LGSN: variants seen among roughly 807,000 people sequenced by gnomAD.
LGSN encodes the protein lengsin, lens protein with glutamine synthetase domain.
Under a neutral mutation model 19.5 loss-of-function variants are expected in LGSN, and 21 were observed. The ratio of observed to expected loss-of-function variants is 1.07; its 90% confidence interval spans 0.76 to 1.55. The LOEUF (loss-of-function observed/expected upper bound fraction) is 1.55. Ranked by LOEUF, LGSN falls within the 40% of genes most tolerant of loss-of-function variation. LGSN has a pLI of 0.00. For missense variants in LGSN, 673 were observed against 608.5 expected (o/e 1.11, Z -1.12); for synonymous variants, 257 against 215.6 (o/e 1.19, Z -1.68).
At chr6:63,536,717 A>C in the LGSN span, among the ~76,000 whole-genome samples, 2 of 152,242 alleles carry the variant, frequency 1.3e-5, no homozygotes, top group Admixed American at 1.3e-4. Flanking sequence ...CCTACTTAAT[A>C]GAAAATAAGT....
the LGSN span, among the ~76,000 whole-genome samples, chr6:63,465,026 C>CAAAA: frequency 2.4e-5 from 3 of 123,718 alleles, no homozygotes; most frequent in Non-Finnish European, 1.7e-5. Context: ...GATTCTGTCT[C>CAAAA]AAAAAAAAAA....
the LGSN span, among the ~76,000 whole-genome samples, chr6:63,565,639 A>T: frequency 2.0e-5 from 3 of 152,336 alleles, no homozygotes; most frequent in South Asian, 6.2e-4. Context: ...AACAAAACAC[A>T]GTAGCCCACA....
the LGSN span, among the ~76,000 whole-genome samples, chr6:63,336,561 G>GTGTATATA: frequency 1.4e-4 from 18 of 127,576 alleles, no homozygotes; most frequent in South Asian, 1.1e-3. Flanking sequence ...GTGTGTGTGT[G>GTGTATATA]TATATATATA....
the LGSN span, among the ~76,000 whole-genome samples, chr6:63,361,573 G>A: frequency 1.3e-5 from 2 of 152,146 alleles, no homozygotes; most frequent in Non-Finnish European, 2.9e-5. Context: ...CCTTGGCTAG[G>A]AAAGGGAATT....
the LGSN span, among the ~76,000 whole-genome samples, chr6:63,501,945 A>G: frequency 1.3e-5 from 2 of 152,272 alleles, no homozygotes; most frequent in Admixed American, 1.3e-4. Flanking sequence ...ATAGGCACAC[A>G]CCACCACATC....
chr6:63,352,401 C>T, the LGSN span, among the ~76,000 whole-genome samples: 13 of 152,008 alleles, frequency 8.6e-5, no homozygotes, highest in African/African-American at 2.2e-4. Context: ...TAGTGACTAA[C>T]GCCTAGAATC....
the LGSN span, among the ~76,000 whole-genome samples, chr6:63,559,612 G>C: frequency 9.2e-5 from 14 of 152,102 alleles, no homozygotes; most frequent in African/African-American, 3.4e-4. Context: ...AGGCATGGTG[G>C]TGTATGCCTG....
the LGSN span, among the ~76,000 whole-genome samples, chr6:63,405,065 T>C: frequency 6.6e-6 from 1 of 150,946 alleles, no homozygotes. Context: ...GTTTGGTTTT[T>C]TGTTCTTGCG....
the LGSN span, chr6:63,572,844 G>T: frequency 2.5e-6 from 1 of 394,696 alleles, no homozygotes; most frequent in Non-Finnish European, 4.5e-6. Flanking sequence ...GTTCCGGTGG[G>T]TCCCGGGTGG....
chr6:63,572,960 C>G, the LGSN span, among the ~76,000 whole-genome samples: 1 of 152,086 alleles, frequency 6.6e-6, no homozygotes, highest in African/African-American at 2.4e-5. Flanking sequence ...GCCGGAGGCA[C>G]CGGCTTTTGA....
chr6:63,523,846 T>C, the LGSN span, among the ~76,000 whole-genome samples: 12 of 152,312 alleles, frequency 7.9e-5, no homozygotes, highest in African/African-American at 2.9e-4. Flanking sequence ...CCCTGGCCTA[T>C]AGCACTCTGT....
At chr6:63,285,872 G>T in intron 2 of LGSN, 119 bp from the exon 3 acceptor site, 2 of 749,692 alleles carry the variant, frequency 2.7e-6, no homozygotes, top group Admixed American at 2.8e-5. Flanking sequence ...TATTCATCAT[G>T]TCACTGGCTT....
intron 1 of LGSN, among the ~76,000 whole-genome samples, chr6:63,318,161 C>T (rs12111159): frequency 0.033 from 5,042 of 152,188 alleles, 283 homozygotes; most frequent in African/African-American, 0.12. Flanking sequence ...AGTACCAAAC[C>T]TAAGATTAAT....
the LGSN span, among the ~76,000 whole-genome samples, chr6:63,523,813 G>A: frequency 4.6e-5 from 7 of 152,126 alleles, no homozygotes; most frequent in Admixed American, 1.3e-4. Flanking sequence ...AGTGGGGCCC[G>A]GAGAAGCCAA....
At chr6:63,324,554 T>C (rs549605090), upstream of LGSN, among the ~76,000 whole-genome samples, 29 of 152,250 alleles carry the variant, frequency 1.9e-4, no homozygotes, top group Middle Eastern at 3.4e-3. Flanking sequence ...AAATTAAAAT[T>C]ATATCAAGTG....
chr6:63,428,644 C>T, the LGSN span, among the ~76,000 whole-genome samples: 1 of 152,230 alleles, frequency 6.6e-6, no homozygotes, highest in Non-Finnish European at 1.5e-5. Flanking sequence ...AGCCACCGCA[C>T]CCGACCAGGC....
chr6:63,497,686 G>A, the LGSN span, among the ~76,000 whole-genome samples: 1 of 152,060 alleles, frequency 6.6e-6, no homozygotes, highest in Non-Finnish European at 1.5e-5. Flanking sequence ...AGTGGCCACA[G>A]GAGTCATTTT....
the LGSN span, among the ~76,000 whole-genome samples, chr6:63,539,138 C>T: frequency 1.3e-5 from 2 of 152,152 alleles, no homozygotes; most frequent in African/African-American, 4.8e-5. Flanking sequence ...AGGTGGTCCA[C>T]CCACCTTGGC....
At chr6:63,548,141 CAGTT>C in the LGSN span, among the ~76,000 whole-genome samples, 2 of 152,190 alleles carry the variant, frequency 1.3e-5, no homozygotes, top group Non-Finnish European at 2.9e-5. Context: ...TCCTAGGTCT[CAGTT>C]AGATGACCCT....
Sources: allele counts gnomAD v4.1 joint callset (sites outside exome capture counted in the v4.1 genomes callset), GRCh38; gene constraint gnomAD v4.1.1; transcripts MANE v1.5; gene names NCBI Gene and HGNC (gene_info 2026-07-23, HGNC 2026-07-21).